EPB41L5: variants seen among roughly 807,000 people sequenced by gnomAD.
The protein encoded by EPB41L5 is erythrocyte membrane protein band 4.1 like 5.
In EPB41L5, 55 loss-of-function variants were observed where a neutral mutation model predicts 106.6. The observed-to-expected ratio is 0.52, with a 90% CI of 0.42 to 0.65. The LOEUF (loss-of-function observed/expected upper bound fraction) is 0.65. Ranked by LOEUF, EPB41L5 falls within the 30% of genes least tolerant of loss-of-function variation. The pLI, the probability that EPB41L5 is intolerant of heterozygous loss-of-function variation, is 0.00. For synonymous variants in EPB41L5, 297 were observed against 306.7 expected (o/e 0.97, Z 0.33); for missense variants, 871 against 882.1 (o/e 0.99, Z 0.16).
intron 24 of EPB41L5, among the ~76,000 whole-genome samples, chr2:120,169,704 C>T (rs1215489194): frequency 1.3e-5 from 2 of 152,036 alleles, no homozygotes; most frequent in Non-Finnish European, 2.9e-5. Context: ...AGAGTTCCTC[C>T]AAATAAGTAA....
intron 24 of EPB41L5, among the ~76,000 whole-genome samples, chr2:120,173,216 A>G (rs547077307): frequency 2.0e-5 from 3 of 152,376 alleles, no homozygotes; most frequent in Admixed American, 1.3e-4. Context: ...GAATTTTAAC[A>G]TCATCAAAAT....
At chr2:120,122,011 C>T (rs1483191850) in intron 16 of EPB41L5, among the ~76,000 whole-genome samples, 3 of 152,144 alleles carry the variant, frequency 2.0e-5, no homozygotes, top group Non-Finnish European at 4.4e-5. Flanking sequence ...CCTTTGCCCA[C>T]TTTTTGATGG....
At chr2:120,088,486 A>G (rs912437726) in intron 11 of EPB41L5, among the ~76,000 whole-genome samples, 16 of 152,164 alleles carry the variant, frequency 1.1e-4, no homozygotes, top group African/African-American at 3.9e-4. Flanking sequence ...TAACTGAAAG[A>G]TAACTGGACT....
intron 3 of EPB41L5, among the ~76,000 whole-genome samples, chr2:120,045,179 A>T (rs937582227): frequency 1.3e-5 from 2 of 152,236 alleles, no homozygotes; most frequent in Admixed American, 1.3e-4. Context: ...ACTATAGATC[A>T]GTCCAAAACG....
intron 3 of EPB41L5, among the ~76,000 whole-genome samples, chr2:120,049,673 A>T (rs1227300915): frequency 6.6e-6 from 1 of 152,126 alleles, no homozygotes; most frequent in African/African-American, 2.4e-5. Flanking sequence ...GTTTAAGGTT[A>T]ATATTGCCAT....
chr2:120,162,852 C>G (rs773011556), intron 21 of EPB41L5, among the ~76,000 whole-genome samples: 1 of 152,030 alleles, frequency 6.6e-6, no homozygotes, highest in African/African-American at 2.4e-5. Context: ...TGGGAAGATG[C>G]GAGAGGAGAG....
At position 120,111,840 on chromosome 2, in the gene EPB41L5, A is replaced by G. The variant is rs567261976; in HGVS notation, c.1337+11026A>G. Among the ~76,000 whole-genome samples the G allele has an allele frequency of 1.6e-4, 24 of 152,242 alleles. No homozygotes were observed. In the South Asian group the frequency reaches 4.8e-3, roughly 30 times the overall value. On this transcript the variant is annotated intron_variant, in intron 16 of 24. Coordinates refer to ENST00000263713, the MANE Select transcript of EPB41L5 (RefSeq NM_020909.4). The stretch of plus-strand genomic sequence containing the variant: ...AGTAAAACCTCAGATCCTCACATTG[A>G]TAGAAACATGCTTTTTCCTCCCTTT...
rs1034048132 is a variant in EPB41L5, at chr2:120,148,194, T to C, written c.1793+1905T>C. On this transcript the variant is annotated intron_variant, in intron 20 of 24. Coordinates refer to ENST00000263713, the MANE Select transcript of EPB41L5 (RefSeq NM_020909.4). ...ATAATTCACATACCACAAAATTCAC[T>C]CTTTAAAAATACACAATTCAGTAAT... Among the ~76,000 whole-genome samples, 5 of 152,156 alleles carry C rather than the reference T, an allele frequency of 3.3e-5. No individual in the cohort carries two copies. The East Asian group carries it at 9.6e-4, about 29-fold the overall frequency.
At chr2:120,066,022 A>G (rs1220771895) in intron 3 of EPB41L5, among the ~76,000 whole-genome samples, 1 of 152,068 alleles carries the variant, frequency 6.6e-6, no homozygotes, top group African/African-American at 2.4e-5. Context: ...CTCTGGAAGG[A>G]ATCAAGAGAA....
rs770943181 is a variant in EPB41L5, at chr2:120,019,127, C to T, written c.43C>T (p.Arg15Cys). 4.3e-6 allele frequency: 7 copies of T among 1,613,614 alleles called. No individual in the cohort carries two copies. Among genetic ancestry groups the T allele is most frequent in the East Asian group, 2.2e-5 (1 of 44,872 alleles). Residue 15 changes from arginine to cysteine, a missense_variant, in exon 2 of 25, where the codon CGT becomes TGT. Arg to Cys is a radical substitution (Grantham distance 180). Coordinates refer to ENST00000263713, the MANE Select transcript of EPB41L5 (RefSeq NM_020909.4). ...FRRTLGRRSM[R>C]KHAEKERLRE... Reference sequence around the variant, plus strand: ...TAGAACACTAGGGCGTCGGTCTATGCGTAAACATGCAGAGAAGGAACGACT... The same window carrying T: ...TAGAACACTAGGGCGTCGGTCTATGTGTAAACATGCAGAGAAGGAACGACT...
chr2:120,116,055 C>G lies in EPB41L5; in HGVS notation c.1338-11633C>G, dbSNP rs1057275239. ...TGAACTTCTGGCCTCAAGTGACCTGCCCGCCTCAGCCTCCCAAAGTGCTGG... is the reference window on the plus strand; with the variant it reads ...TGAACTTCTGGCCTCAAGTGACCTGGCCGCCTCAGCCTCCCAAAGTGCTGG... On this transcript the variant is annotated intron_variant, in intron 16 of 24. Transcript: ENST00000263713. Among the ~76,000 whole-genome samples the G allele has an allele frequency of 3.3e-5, 5 of 152,098 alleles. 1 individual carries two copies. The highest frequency in any genetic ancestry group is 3.3e-4 in the Admixed American group (5 of 15,280).
intron 3 of EPB41L5, among the ~76,000 whole-genome samples, chr2:120,061,783 ATACT>A (rs1240304530): frequency 6.6e-6 from 1 of 152,216 alleles, no homozygotes; most frequent in African/African-American, 2.4e-5. Context: ...TTTCTCATAA[ATACT>A]TAAAGAATTT....
intron 16 of EPB41L5, chr2:120,105,936 G>A (rs1684429078): frequency 2.0e-6 from 2 of 985,066 alleles, no homozygotes; most frequent in South Asian, 4.7e-5. Flanking sequence ...TGTTTCTATA[G>A]TAAAAACCAA....
rs1687462268 is a variant in EPB41L5 at position 120,167,382 on chromosome 2, A to G, written c.1963-84A>G. ...GAATTGCCCTCCTAGAATGGATTTC[A>G]TAATAGATGTAAGTAAGTATTATAA... On this transcript the variant is annotated intron_variant, in intron 22 of 24. Coordinates refer to ENST00000263713, the MANE Select transcript of EPB41L5 (RefSeq NM_020909.4). 5 of 1,184,966 alleles carry G rather than the reference A, an allele frequency of 4.2e-6. 1 individual carries two copies. In the Admixed American group the frequency reaches 8.9e-5, roughly 21 times the overall value. The allele number at this position is 1,184,966 out of a possible 1,614,324, so 73.4% of individuals were successfully genotyped here. A position where few individuals can be genotyped will look rare whatever the true frequency, so the allele number is the denominator to read the frequency against.
At chr2:120,080,321 T>C (rs984071486) in intron 10 of EPB41L5, among the ~76,000 whole-genome samples, 14 of 151,910 alleles carry the variant, frequency 9.2e-5, no homozygotes, top group Non-Finnish European at 1.9e-4. Context: ...AGTGTTCTCA[T>C]TGTTCAGTTC....
intron 3 of EPB41L5, among the ~76,000 whole-genome samples, chr2:120,068,373 C>T (rs1681599886): frequency 1.3e-5 from 2 of 152,228 alleles, no homozygotes; most frequent in South Asian, 4.1e-4. Context: ...AGGCAATGAG[C>T]TGGCTGCAGG....
chr2:120,115,552 A>ATTTTTATT (rs1406690721), intron 16 of EPB41L5, among the ~76,000 whole-genome samples: 5 of 151,048 alleles, frequency 3.3e-5, no homozygotes, highest in African/African-American at 1.2e-4. Flanking sequence ...TGCCTGGCTA[A>ATTTTTATT]TTTTTATTTT....
intron 16 of EPB41L5, chr2:120,106,889 CA>C: frequency 1.0e-6 from 1 of 978,392 alleles, no homozygotes; most frequent in Non-Finnish European, 1.2e-6. Context: ...AATGAATTTA[CA>C]GAGAAAAATA....
chr2:120,062,333 GT>G (rs1263198681), intron 3 of EPB41L5, among the ~76,000 whole-genome samples: 1 of 152,250 alleles, frequency 6.6e-6, no homozygotes, highest in East Asian at 1.9e-4. Flanking sequence ...AGTTGAAGGA[GT>G]AAGTCTAGAA....
Sources: allele counts gnomAD v4.1 joint callset (sites outside exome capture counted in the v4.1 genomes callset), GRCh38; gene constraint gnomAD v4.1.1; transcripts MANE v1.5; gene names NCBI Gene and HGNC (gene_info 2026-07-23, HGNC 2026-07-21).